The following ZFYVE26 variants were observed in gnomAD, a reference collection of about 807,000 sequenced individuals.
ZFYVE26 encodes the protein zinc finger FYVE domain-containing protein 26.
Under a neutral mutation model 276.5 loss-of-function variants are expected in ZFYVE26, and 181 were observed. That is an observed-to-expected ratio of 0.65 (90% confidence interval 0.58 to 0.74). The LOEUF (loss-of-function observed/expected upper bound fraction) is 0.74. Ranked by LOEUF, ZFYVE26 falls within the 30% of genes least tolerant of loss-of-function variation. ZFYVE26 has a pLI of 0.00. For synonymous variants in ZFYVE26, 1,129 were observed against 1,203.1 expected (o/e 0.94, Z 1.27); for missense variants, 2,821 against 3,097.9 (o/e 0.91, Z 2.12).
Position 67,783,526 on chromosome 14 carries a change from C to A in ZFYVE26, c.3627-1G>T. 1 of 1,612,156 alleles carries A rather than the reference C, an allele frequency of 6.2e-7. No individual in the cohort carries two copies. The highest frequency in any genetic ancestry group is 8.5e-7 in the Non-Finnish European group (1 of 1,179,982). On this transcript the variant is annotated splice_acceptor_variant, in intron 20 of 41. Transcript: ENST00000347230. LOFTEE classifies it high-confidence loss of function. Reference sequence around the variant, plus strand: ...CTCTTGGGCCAGAAGGGCTGCCAGTCTGGAAGGAGAGAAGCAGAAAGCATA... The same window carrying A: ...CTCTTGGGCCAGAAGGGCTGCCAGTATGGAAGGAGAGAAGCAGAAAGCATA...
In ZFYVE26 at chr14:67,784,334, C is replaced by T. The variant is rs773676616; in HGVS notation, c.3626G>A (p.Arg1209Lys). Residue 1209 changes from arginine (R) to lysine (K), a missense_variant and splice_region_variant, in exon 20 of 42, where the codon AGA (arginine) becomes AAA (lysine). By Grantham distance (26) the Arg-to-Lys change is conservative. Coordinates refer to ENST00000347230, the MANE Select transcript of ZFYVE26 (RefSeq NM_015346.4). The stretch of plus-strand genomic sequence containing the variant: ...TGACTTGCATGGAGGTGGCTCCTAC[C>T]TCTCTGGGGGAACTTGTCTCTCAAA... The part of the protein sequence containing the change: ...LLFERQVPPE[R>K]LAALLAQENL... 4.3e-6 allele frequency: 7 copies of T among 1,613,822 alleles called. No homozygotes were observed. Among genetic ancestry groups the T allele is most frequent in the Non-Finnish European group, 5.9e-6 (7 of 1,179,882 alleles).
chr14:67,775,974 G>A lies in ZFYVE26; in HGVS notation c.5107C>T (p.Gln1703Ter), dbSNP rs1354490232. ...CCAATCTCCTGTCCAACCAGCAGCTGCTGGAGAGTCTGCACAGCCACAGTG... is the reference window on the plus strand; with the variant it reads ...CCAATCTCCTGTCCAACCAGCAGCTACTGGAGAGTCTGCACAGCCACAGTG... ...WATVAVQTLQ[Q>*]LLVGQEIGFT... The change falls in exon 26 of 42, where the codon CAG becomes TAG. Residue 1703 changes from glutamine (Q) to a stop codon, truncating the protein, a stop_gained. Coordinates refer to ENST00000347230, the MANE Select transcript of ZFYVE26 (RefSeq NM_015346.4). LOFTEE classifies it high-confidence loss of function. 1.9e-6 allele frequency: 3 copies of A among 1,614,176 alleles called. No homozygotes were observed. The Admixed American group carries it at 5.0e-5, about 27-fold the overall frequency.
intron 23 of ZFYVE26, 112 bp downstream of exon 23, chr14:67,780,129 T>C (rs1433472627): frequency 1.1e-5 from 12 of 1,054,230 alleles, no homozygotes. Flanking sequence ...TGTGGTATAG[T>C]TATTTTTTTA....
In ZFYVE26 at chr14:67,754,167, C is replaced by T. The variant is rs1399191067; in HGVS notation, c.7032G>A (p.Leu2344=). The change falls in exon 38 of 42, where the codon TTG becomes TTA. Residue 2344 remains leucine, a synonymous_variant. Coordinates refer to ENST00000347230, the MANE Select transcript of ZFYVE26 (RefSeq NM_015346.4). Reference sequence around the variant, plus strand: ...AGGTCCCAGCACTTTCGCACCGATGCAAGAACCTGGTCACTTCCATCTGCA... The same window carrying T: ...AGGTCCCAGCACTTTCGCACCGATGTAAGAACCTGGTCACTTCCATCTGCA... ...LQLQMEVTRF[L]HRCESAGTSQ... is the part of the protein sequence containing the mutation. 1.2e-6 allele frequency: 2 copies of T among 1,614,128 alleles called. No individual in the cohort carries two copies. Among genetic ancestry groups the T allele is most frequent in the Non-Finnish European group, 1.7e-6 (2 of 1,180,058 alleles).
chr14:67,736,524 A>T (rs1445855528), intron 13 of ZFYVE26, among the ~76,000 whole-genome samples: 1 of 152,184 alleles, frequency 6.6e-6, no homozygotes, highest in Non-Finnish European at 1.5e-5. Context: ...AAAGGCAAAA[A>T]AAGTTGTGAA....
intron 41 of ZFYVE26, among the ~76,000 whole-genome samples, chr14:67,750,024 G>C (rs910121416): frequency 6.6e-6 from 1 of 152,212 alleles, no homozygotes; most frequent in African/African-American, 2.4e-5. Flanking sequence ...TTTAGAGCGT[G>C]TCTTTCCCAG....
rs1302415630 is a variant in ZFYVE26 at position 67,786,226 on chromosome 14, C to T, written c.3027G>A (p.Arg1009=). 3 of 1,465,210 alleles carry T rather than the reference C, an allele frequency of 2.0e-6. No individual in the cohort carries two copies. The highest frequency in any genetic ancestry group is 2.8e-6 in the Non-Finnish European group (3 of 1,078,302). 90.8% of individuals were successfully genotyped at this position (1,465,210 alleles called of 1,614,324 possible). A position where few individuals can be genotyped will look rare whatever the true frequency, so the allele number is the denominator to read the frequency against. ...LNSSLERRGR[R]IDHVLLNADG... Reference sequence around the variant, plus strand: ...CAGCATTTAGGAGTACGTGGTCTATCCGTCGACCTGGAAATAGATGAAGGA... The same window carrying T: ...CAGCATTTAGGAGTACGTGGTCTATTCGTCGACCTGGAAATAGATGAAGGA... The change falls in exon 17 of 42, where the codon CGG becomes CGA. Residue 1009 remains arginine (R), a synonymous_variant. Transcript: ENST00000347230.
At chr14:67,761,001 G>C in intron 35 of ZFYVE26, 1 of 546,060 alleles carries the variant, frequency 1.8e-6, no homozygotes, top group South Asian at 2.1e-5. Flanking sequence ...TCCCAGGCCA[G>C]GTAGGGAGGC....
Position 67,783,522 on chromosome 14 carries a change from C to A in ZFYVE26, c.3630G>T (p.Leu1210=), listed in dbSNP as rs1364679854. The A allele has an allele frequency of 6.2e-7, 1 of 1,612,508 alleles. No individual in the cohort carries two copies. Residue 1210 remains leucine, a synonymous_variant, in exon 21 of 42, where the codon CTG becomes CTT. Transcript: ENST00000347230. ...LFERQVPPER[L]AALLAQENLS... ...GATTCTCTTGGGCCAGAAGGGCTGC[C>A]AGTCTGGAAGGAGAGAAGCAGAAAG...
chr14:67,775,637 T>C (rs1471586743), intron 26 of ZFYVE26, among the ~76,000 whole-genome samples: 1 of 152,216 alleles, frequency 6.6e-6, no homozygotes, highest in Non-Finnish European at 1.5e-5. Context: ...TTTATGTTAT[T>C]ATGTGCATGC....
chr14:67,763,971 C>G (rs1594893738), intron 32 of ZFYVE26, among the ~76,000 whole-genome samples: 1 of 152,176 alleles, frequency 6.6e-6, no homozygotes, highest in South Asian at 2.1e-4. Context: ...CGCTACCATT[C>G]CCTGGAGATG....
In ZFYVE26 at chr14:67,797,981, C is replaced by G. The variant is rs777469445; in HGVS notation, c.2248+33G>C. 3.1e-6 allele frequency: 5 copies of G among 1,613,678 alleles called. No homozygotes were observed. The Admixed American group carries it at 8.3e-5, about 27-fold the overall frequency. On this transcript the variant is annotated intron_variant, in intron 11 of 41. Transcript: ENST00000347230. ...TCCTGGGATCTTTCTCCCTCTCCAC[C>G]TTCTGGTCCCACCAGTTCCACCCTT...
At chr14:67,778,026 G>A in intron 24 of ZFYVE26, 100 bp downstream of exon 24, 4 of 1,538,610 alleles carry the variant, frequency 2.6e-6, no homozygotes, top group Non-Finnish European at 3.6e-6. Flanking sequence ...AAGAGGCATA[G>A]CTGAGATTGC....
Position 67,761,351 on chromosome 14 carries a change from G to A in ZFYVE26, c.6588+15C>T. ...AAGGCAGGCACTGCCTTTTTGAGCT[G>A]TGTCCATGTCCCACCTTGTTGAGAA... On this transcript the variant is annotated intron_variant, in intron 35 of 41. Transcript: ENST00000347230. The A allele has an allele frequency of 6.2e-7, 1 of 1,608,188 alleles. No homozygotes were observed.
chr14:67,740,772 G>A (rs2140169800), intron 13 of ZFYVE26, among the ~76,000 whole-genome samples: 1 of 152,294 alleles, frequency 6.6e-6, no homozygotes, highest in East Asian at 1.9e-4. Context: ...GCCGGGCGCA[G>A]TGGCAGGCGC....
chr14:67,733,883 C>A (rs550198065), intron 13 of ZFYVE26: 1 of 1,491,936 alleles, frequency 6.7e-7, no homozygotes. Flanking sequence ...CAGGCCCAAT[C>A]CATGCCATAA....
At chr14:67,750,631 T>A in intron 41 of ZFYVE26, 1 of 238,228 alleles carries the variant, frequency 4.2e-6, no homozygotes, top group South Asian at 5.6e-5. Flanking sequence ...TTGGTCAAAG[T>A]GTGGGGTGGG....
intron 13 of ZFYVE26, 106 bp downstream of exon 13, chr14:67,794,065 G>T: frequency 7.7e-7 from 1 of 1,302,188 alleles, no homozygotes; most frequent in Non-Finnish European, 1.1e-6. Flanking sequence ...TGCCAACCTT[G>T]AATAACAACC....
chr14:67,761,831 G>T, intron 34 of ZFYVE26: 1 of 576,734 alleles, frequency 1.7e-6, no homozygotes, highest in Non-Finnish European at 3.1e-6. Context: ...AGTGTCAAAG[G>T]CAGAACAGGC....
Sources: gnomAD v4.1 joint callset for allele counts (sites outside exome capture counted in the v4.1 genomes callset) on GRCh38, gnomAD v4.1.1 for gene constraint, MANE v1.5 for transcripts, NCBI Gene and HGNC (gene_info 2026-07-23, HGNC 2026-07-21) for gene names.